WWC1: variants seen among roughly 807,000 people sequenced by gnomAD.
WWC1 encodes the protein protein KIBRA.
WWC1 carries 55 observed loss-of-function variants against 138.4 expected under a neutral mutation model. The ratio of observed to expected loss-of-function variants is 0.40; its 90% CI spans 0.32 to 0.50. The LOEUF (loss-of-function observed/expected upper bound fraction) is 0.50. Ranked by LOEUF, WWC1 falls within the 20% of genes least tolerant of loss-of-function variation. WWC1 has a pLI of 0.72. For synonymous variants in WWC1, 524 were observed against 564.9 expected (o/e 0.93, Z 1.03); for missense variants, 1,226 against 1,420.4 (o/e 0.86, Z 2.20).
At chr5:168,464,002 T>A (rs1171263720) in intron 20 of WWC1, among the ~76,000 whole-genome samples, 1 of 152,190 alleles carries the variant, frequency 6.6e-6, no homozygotes, top group Non-Finnish European at 1.5e-5. Flanking sequence ...TATTAATGGC[T>A]GGGCTTTGAT....
intron 21 of WWC1, among the ~76,000 whole-genome samples, chr5:168,465,854 A>G (rs10040943): frequency 0.019 from 2,825 of 152,212 alleles, 90 homozygotes; most frequent in African/African-American, 0.064. Flanking sequence ...CAGCGTGCCT[A>G]GCTTGCACTG....
chr5:168,387,770 CT>C (rs1216904074), intron 3 of WWC1, among the ~76,000 whole-genome samples: 3 of 152,136 alleles, frequency 2.0e-5, no homozygotes, highest in Non-Finnish European at 4.4e-5. Flanking sequence ...AATACTATCA[CT>C]TTGGGGATTA....
At chr5:168,466,506 C>T (rs1343628097) in intron 21 of WWC1, among the ~76,000 whole-genome samples, 2 of 152,214 alleles carry the variant, frequency 1.3e-5, no homozygotes, top group Non-Finnish European at 2.9e-5. Flanking sequence ...GTGCTGAATA[C>T]AGGTGGTGAT....
chr5:168,469,093 G>A lies in WWC1; in HGVS notation c.*76G>A. 2 of 1,574,330 alleles carry A rather than the reference G, an allele frequency of 1.3e-6. No homozygotes were observed. Among genetic ancestry groups the A allele is most frequent in the Non-Finnish European group, 1.7e-6 (2 of 1,145,874 alleles). On this transcript the variant is annotated 3_prime_UTR_variant, in exon 23 of 23. Transcript: ENST00000265293. ...CTGTGGCTAAAGTTATTTATGTGGT[G>A]TTATATGAAGGTACTGAGTCACAAG...
chr5:168,346,266 A>C (rs978563769), intron 1 of WWC1, among the ~76,000 whole-genome samples: 1 of 152,154 alleles, frequency 6.6e-6, no homozygotes, highest in Non-Finnish European at 1.5e-5. Flanking sequence ...CACTGTAAGG[A>C]GATACAAGAT....
At chr5:168,380,813 A>T (rs1777571655) in intron 2 of WWC1, among the ~76,000 whole-genome samples, 1 of 152,208 alleles carries the variant, frequency 6.6e-6, no homozygotes, top group Non-Finnish European at 1.5e-5. Flanking sequence ...TTATTCAGCA[A>T]TAATAAGAAA....
In WWC1 at chr5:168,359,033, GGT is replaced by G. The variant is rs58992917; in HGVS notation, c.120-12354_120-12353del. ...TTTTTGTTGTTGTTGGTGGTGGTGG[GGT>G]GTGTGTGTGTGTGTGTGTGTGTGTG... On this transcript the variant is annotated intron_variant, in intron 1 of 22. Coordinates refer to ENST00000265293, the MANE Select transcript of WWC1 (RefSeq NM_015238.3). Among the ~76,000 whole-genome samples, 1,056 of 148,212 alleles carry G rather than the reference GGT, an allele frequency of 7.1e-3. 8 individuals carry two copies. Among genetic ancestry groups the G allele is most frequent in the Middle Eastern group, 0.014 (4 of 282 alleles).
At chr5:168,456,764 G>A (rs1756363848) in intron 19 of WWC1, among the ~76,000 whole-genome samples, 1 of 148,120 alleles carries the variant, frequency 6.8e-6, no homozygotes, top group South Asian at 2.1e-4. Context: ...ACAAAGAGAA[G>A]AATGTCACTC....
At chr5:168,328,642 G>T (rs111873898) in intron 1 of WWC1, among the ~76,000 whole-genome samples, 1,831 of 152,208 alleles carry the variant, frequency 0.012, 31 homozygotes, top group African/African-American at 0.041. Context: ...CGCCTCCCGG[G>T]TTCAAGCAAT....
chr5:168,349,753 T>C (rs1195100929), intron 1 of WWC1, among the ~76,000 whole-genome samples: 2 of 152,100 alleles, frequency 1.3e-5, no homozygotes, highest in Non-Finnish European at 1.5e-5. Flanking sequence ...GGGAGTGGGG[T>C]TGGCTGCCGT....
intron 1 of WWC1, among the ~76,000 whole-genome samples, chr5:168,357,448 CTG>C (rs67198550): frequency 0.053 from 7,073 of 134,196 alleles, 165 homozygotes; most frequent in Middle Eastern, 0.094. Flanking sequence ...AACCTGCCTT[CTG>C]TGTGTGTGTG....
intron 1 of WWC1, among the ~76,000 whole-genome samples, chr5:168,324,763 C>G (rs1257012337): frequency 6.6e-6 from 1 of 152,074 alleles, no homozygotes; most frequent in African/African-American, 2.4e-5. Flanking sequence ...GAACAAGACT[C>G]AAGTATATAG....
intron 1 of WWC1, among the ~76,000 whole-genome samples, chr5:168,367,745 A>G (rs1441428511): frequency 6.6e-6 from 1 of 152,198 alleles, no homozygotes; most frequent in Non-Finnish European, 1.5e-5. Context: ...AAACAGAGTA[A>G]GAGCACCTGC....
chr5:168,399,027 A>T (rs565628833), intron 4 of WWC1, among the ~76,000 whole-genome samples: 1 of 152,332 alleles, frequency 6.6e-6, no homozygotes, highest in East Asian at 1.9e-4. Context: ...TTGCCACTAA[A>T]GTTACTAAGT....
In WWC1 at chr5:168,423,529, C is replaced by T; in HGVS notation, c.1275-4C>T. 1 of 1,606,304 alleles carries T rather than the reference C, an allele frequency of 6.2e-7. No individual in the cohort carries two copies. The highest frequency in any genetic ancestry group is 8.5e-7 in the Non-Finnish European group (1 of 1,176,540). ...TCACTGTCCTTCCCCTCCCTGTGTC[C>T]CAGTCTCTCAAGCAGCATGCAGTCC... On this transcript the variant is annotated splice_polypyrimidine_tract_variant and splice_region_variant and intron_variant, in intron 10 of 22. Transcript: ENST00000265293.
chr5:168,374,891 T>G (rs1777051859), intron 2 of WWC1, among the ~76,000 whole-genome samples: 2 of 152,164 alleles, frequency 1.3e-5, no homozygotes, highest in Non-Finnish European at 2.9e-5. Flanking sequence ...CAGCAGGATT[T>G]CCCGATAGAT....
intron 1 of WWC1, among the ~76,000 whole-genome samples, chr5:168,296,282 A>G (rs1486384754): frequency 6.6e-6 from 1 of 152,170 alleles, no homozygotes; most frequent in East Asian, 1.9e-4. Context: ...CTGGGTCTGT[A>G]TGGTAAGTAC....
At position 168,431,244 on chromosome 5, in the gene WWC1, C is replaced by T. The variant is rs994105230; in HGVS notation, c.2088-8C>T. 6.8e-6 allele frequency: 11 copies of T among 1,606,122 alleles called. No homozygotes were observed. The highest frequency in any genetic ancestry group is 9.4e-6 in the Non-Finnish European group (11 of 1,176,012). ...CCCAAGATTTCCTGCGGTTCTGTCT[C>T]CCTCTAGGAATATCCGCGTGGCTGT... On this transcript the variant is annotated splice_polypyrimidine_tract_variant and splice_region_variant and intron_variant, in intron 14 of 22. Coordinates refer to ENST00000265293, the MANE Select transcript of WWC1 (RefSeq NM_015238.3).
chr5:168,410,974 A>C (rs1780190858), intron 8 of WWC1, among the ~76,000 whole-genome samples: 1 of 125,558 alleles, frequency 8.0e-6, no homozygotes, highest in South Asian at 2.4e-4. Flanking sequence ...TCGCTCTGTC[A>C]CCCAGGATGG....
Sources: gnomAD v4.1 joint callset for allele counts (sites outside exome capture counted in the v4.1 genomes callset) on GRCh38, gnomAD v4.1.1 for gene constraint, MANE v1.5 for transcripts, NCBI Gene and HGNC (gene_info 2026-07-23, HGNC 2026-07-21) for gene names.